TRPM2: variants seen among roughly 807,000 people sequenced by gnomAD.
TRPM2 encodes estrogen-responsive element-associated gene 1 protein.
A neutral mutation model predicts 174.0 loss-of-function variants in TRPM2; 161 were observed. The observed-to-expected ratio is 0.93, with a 90% CI of 0.81 to 1.05. The LOEUF is 1.05. Ranked by LOEUF, TRPM2 falls within the 50% of genes least tolerant of loss-of-function variation. The pLI is 0.00. For synonymous variants in TRPM2, 954 were observed against 861.3 expected, an observed-to-expected ratio of 1.11 and a Z score of -1.88; for missense variants, 2,057 against 2,038.0, an observed-to-expected ratio of 1.01 and a Z score of -0.18.
chr21:44,405,553 C>T (rs750573864), intron 17 of TRPM2, among the ~76,000 whole-genome samples: 31 of 152,144 alleles, frequency 2.0e-4, no homozygotes, highest in Non-Finnish European at 2.5e-4. Context: ...ACGCGGCTGC[C>T]GCTTTCTCCC....
At chr21:44,363,344 G>C (rs907834312) in intron 2 of TRPM2, among the ~76,000 whole-genome samples, 1 of 152,078 alleles carries the variant, frequency 6.6e-6, no homozygotes, top group African/African-American at 2.4e-5. Flanking sequence ...TTGTTTACTT[G>C]TGTATTTTTT....
Position 44,439,221 on chromosome 21 carries a change from A to G in TRPM2, c.4269+53A>G. 6.5e-7 allele frequency: 1 copy of G among 1,537,382 alleles called. No individual in the cohort carries two copies. Among genetic ancestry groups the G allele is most frequent in the Non-Finnish European group, 9.0e-7 (1 of 1,113,878 alleles). On this transcript the variant is annotated intron_variant, in intron 30 of 31. Transcript: ENST00000397928. The surrounding 1 kb of genome is among the most constrained non-coding windows in gnomAD (Gnocchi z 5.1). ...ACCTGTGTGTCCCCAGGGCTGCAGG[A>G]CAAACACAGTGTGATACTGGGGACC...
At position 44,439,581 on chromosome 21, in the gene TRPM2, C is replaced by T. The variant is rs561744351; in HGVS notation, c.4269+413C>T. On this transcript the variant is annotated intron_variant, in intron 30 of 31. Coordinates refer to ENST00000397928, the MANE Select transcript of TRPM2 (RefSeq NM_003307.4). The surrounding 1 kb of genome is among the most constrained non-coding windows in gnomAD (Gnocchi z 5.1). ...CAGACCTCGCCCCGACTCCCAAGCT[C>T]TGGAGGGGCCCTTCCCACATGCATG... 6.6e-5 allele frequency among the ~76,000 whole-genome samples: 10 copies of T among 152,314 alleles called. No individual in the cohort carries two copies. The highest frequency in any genetic ancestry group is 2.2e-4 in the African/African-American group (9 of 41,580).
chr21:44,395,554 A>G lies in TRPM2; in HGVS notation c.1932+3A>G. The G allele has an allele frequency of 6.2e-7, 1 of 1,612,794 alleles. No homozygotes were observed. The highest frequency in any genetic ancestry group is 8.5e-7 in the Non-Finnish European group (1 of 1,179,888). On this transcript the variant is annotated splice_donor_region_variant and intron_variant, in intron 12 of 31. Coordinates refer to ENST00000397928, the MANE Select transcript of TRPM2 (RefSeq NM_003307.4). ...TGGCAGGAATCATCTGGGCTCAGGT[A>G]ATAAGACTGGCTTCTCAGTCTCAGC...
In TRPM2 at chr21:44,401,832, C is replaced by T. The variant is rs373273971; in HGVS notation, c.2473C>T (p.Pro825Ser). The change falls in exon 16 of 32, where the codon CCC becomes TCC. Residue 825 changes from proline to serine, a missense_variant. Pro to Ser is a moderately conservative substitution (Grantham distance 74). Coordinates refer to ENST00000397928, the MANE Select transcript of TRPM2 (RefSeq NM_003307.4). ...YVLMVDFQPV[P>S]SWCECAIYLW... The stretch of plus-strand genomic sequence containing the variant: ...GCTCATGGTGGACTTCCAGCCTGTG[C>T]CCTCCTGGTGCGAGTGTGCCATCTA... 7.4e-6 allele frequency: 12 copies of T among 1,613,814 alleles called. No individual in the cohort carries two copies. The African/African-American group carries it at 1.2e-4, about 16-fold the overall frequency.
chr21:44,377,630 C>T, intron 6 of TRPM2, 82 bp from the exon 7 acceptor site: 13 of 1,580,854 alleles, frequency 8.2e-6, no homozygotes, highest in Non-Finnish European at 1.1e-5. Context: ...CACTCGGCTC[C>T]ATGCTTTGTT....
In TRPM2 at chr21:44,369,208, C is replaced by G; in HGVS notation, c.636C>G (p.Thr212=). 1 of 1,612,670 alleles carries G rather than the reference C, an allele frequency of 6.2e-7. No homozygotes were observed. The highest frequency in any genetic ancestry group is 8.5e-7 in the Non-Finnish European group (1 of 1,179,538). ...GGATCATCACAGGGGGGTCCCACAC[C>G]GGCGTCATGAAGCAGGTAGGCGAGG... The part of the protein sequence containing the change: ...GAWIITGGSH[T]GVMKQVGEAV... The change falls in exon 5 of 32, where the codon ACC becomes ACG. Residue 212 remains threonine (T), a synonymous_variant. Transcript: ENST00000397928.
In TRPM2 at chr21:44,370,945, C is replaced by T. The variant is rs112648390; in HGVS notation, c.771+1602C>T. 6.5e-3 allele frequency among the ~76,000 whole-genome samples: 992 copies of T among 152,240 alleles called. 5 individuals are homozygous for T. The highest frequency in any genetic ancestry group is 0.011 in the Non-Finnish European group (751 of 67,998). On this transcript the variant is annotated intron_variant, in intron 5 of 31. Coordinates refer to ENST00000397928, the MANE Select transcript of TRPM2 (RefSeq NM_003307.4). ...CTCAGCCACGCTCCCTCTCTGTGGA[C>T]GGCGGAGGGTGTGTGTCCCAGCCCG...
Position 44,391,931 on chromosome 21 carries a change from G to A in TRPM2, c.1794+306G>A, listed in dbSNP as rs1316648428. On this transcript the variant is annotated intron_variant, in intron 11 of 31. Coordinates refer to ENST00000397928, the MANE Select transcript of TRPM2 (RefSeq NM_003307.4). This position sits in a 1 kb window ranked among gnomAD's most constrained non-coding sequence, Gnocchi z 5.0. ...GTGTCTTCACGTGACAGAGAGAGAAGTCTCTGGTGCCACTTCCTCTTCTTT... is the reference window on the plus strand; with the variant it reads ...GTGTCTTCACGTGACAGAGAGAGAAATCTCTGGTGCCACTTCCTCTTCTTT... Among the ~76,000 whole-genome samples, 1 of 152,078 alleles carries A rather than the reference G, an allele frequency of 6.6e-6. No individual in the cohort carries two copies. Among genetic ancestry groups the A allele is most frequent in the African/African-American group, 2.4e-5 (1 of 41,420 alleles).
At position 44,366,312 on chromosome 21, in the gene TRPM2, ACAGGAGAGGGGG is replaced by A. The variant is rs201915708; in HGVS notation, c.424-438_424-427del. 1.9e-3 allele frequency among the ~76,000 whole-genome samples: 242 copies of A among 124,468 alleles called. 3 individuals carry two copies. The highest frequency in any genetic ancestry group is 7.5e-3 in the African/African-American group (227 of 30,466). The allele number at this position is 124,468 out of a possible 152,430, so 81.7% of individuals were successfully genotyped here. A position where few individuals can be genotyped will look rare whatever the true frequency, so the allele number is the denominator to read the frequency against. On this transcript the variant is annotated intron_variant, in intron 3 of 31. Transcript: ENST00000397928. The surrounding 1 kb of genome is among the most constrained non-coding windows in gnomAD (Gnocchi z 6.0). ...GACAGGAGAGGGGACAGGAGAGGGG[ACAGGAGAGGGGG>A]CAGTGCTGGGTGCACAAGGACAGAA...
intron 24 of TRPM2, 184 bp downstream of exon 24, chr21:44,425,123 G>A (rs1364230654): frequency 2.8e-5 from 17 of 604,588 alleles, no homozygotes; most frequent in East Asian, 1.1e-4. Flanking sequence ...CGCTGGCGCC[G>A]AGGCCCCGCC....
At position 44,382,703 on chromosome 21, in the gene TRPM2, A is replaced by G. The variant is rs2048916838; in HGVS notation, c.1216-15A>G. ...GGAGTCACTGTGTGTCTCACTTAGA[A>G]AATGCTTGTTGCAGATCCAAGATAT... On this transcript the variant is annotated splice_polypyrimidine_tract_variant and intron_variant, in intron 8 of 31. Coordinates refer to ENST00000397928, the MANE Select transcript of TRPM2 (RefSeq NM_003307.4). 1.9e-6 allele frequency: 3 copies of G among 1,612,924 alleles called. No homozygotes were observed. The highest frequency in any genetic ancestry group is 2.5e-6 in the Non-Finnish European group (3 of 1,179,512).
intron 22 of TRPM2, chr21:44,422,538 A>G (rs1252615516): frequency 7.6e-7 from 1 of 1,308,018 alleles, no homozygotes; most frequent in Non-Finnish European, 1.0e-6. Context: ...AAAGTGGGTC[A>G]TATCCCCAGA....
intron 22 of TRPM2, among the ~76,000 whole-genome samples, chr21:44,419,551 T>A (rs1364974928): frequency 1.1e-4 from 2 of 17,940 alleles, no homozygotes; most frequent in East Asian, 1.5e-3. Context: ...TGATGGTGGC[T>A]GCGATGGTGA....
intron 28 of TRPM2, 45 bp downstream of exon 28, chr21:44,435,262 A>G (rs1601257944): frequency 1.9e-6 from 3 of 1,589,048 alleles, no homozygotes; most frequent in Non-Finnish European, 2.6e-6. Flanking sequence ...CAAGGCGGTC[A>G]CCCCACCTTC....
At chr21:44,383,824 A>G (rs1432358045) in intron 9 of TRPM2, among the ~76,000 whole-genome samples, 2 of 152,244 alleles carry the variant, frequency 1.3e-5, no homozygotes, top group Admixed American at 6.5e-5. Context: ...AAACAAAAGC[A>G]CAATATATCA....
At chr21:44,378,714 G>A (rs1287122106) in intron 7 of TRPM2, among the ~76,000 whole-genome samples, 5 of 152,204 alleles carry the variant, frequency 3.3e-5, no homozygotes, top group African/African-American at 1.2e-4. Flanking sequence ...CCTTTGCTGC[G>A]AGGCCCTCAC....
intron 2 of TRPM2, among the ~76,000 whole-genome samples, chr21:44,359,256 G>T (rs1602120628): frequency 6.6e-6 from 1 of 151,924 alleles, no homozygotes; most frequent in Admixed American, 6.6e-5. Context: ...GCTGATTGGC[G>T]CATTTTACAA....
chr21:44,402,024 C>A, intron 16 of TRPM2, 127 bp downstream of exon 16: 1 of 1,089,426 alleles, frequency 9.2e-7, no homozygotes, highest in Non-Finnish European at 1.4e-6. Context: ...CTGAGCAGAG[C>A]CGGTGTTTCC....
Sources: allele counts gnomAD v4.1 joint callset (sites outside exome capture counted in the v4.1 genomes callset), GRCh38; gene constraint gnomAD v4.1.1; non-coding constraint Gnocchi (gnomAD v3.1); transcripts MANE v1.5; gene names NCBI Gene and HGNC (gene_info 2026-07-23, HGNC 2026-07-21).